Variants in SLIT3 observed in about 807,000 individuals in gnomAD.
SLIT3 encodes slit homolog 3 protein.
Under a neutral mutation model 184.0 loss-of-function variants are expected in SLIT3, and 68 were observed. The ratio of observed to expected loss-of-function variants is 0.37; its 90% CI spans 0.30 to 0.45. The LOEUF is 0.45. Among genes scored for constraint, SLIT3 ranks in the 20% least tolerant of loss-of-function variants. The probability of loss-of-function intolerance (pLI) is 1.00; values close to 1 mark genes in which losing one functional copy is unlikely to be tolerated. For missense variants in SLIT3, 1,707 were observed against 2,026.0 expected (o/e 0.84, Z 3.02); for synonymous variants, 831 against 828.6 (o/e 1.00, Z -0.05).
chr5:169,100,550 T>C (rs958341472), intron 4 of SLIT3, among the ~76,000 whole-genome samples: 1 of 151,946 alleles, frequency 6.6e-6, no homozygotes, highest in African/African-American at 2.4e-5. Flanking sequence ...TCAGGAGAGA[T>C]TGGTGCTTCA....
intron 2 of SLIT3, among the ~76,000 whole-genome samples, chr5:169,249,311 G>A (rs1283340126): frequency 1.3e-5 from 2 of 152,122 alleles, no homozygotes; most frequent in Non-Finnish European, 2.9e-5. Context: ...ATGGGGGGTA[G>A]GGGAAGGCTT....
chr5:168,977,288 G>A (rs1045790164), intron 4 of SLIT3, among the ~76,000 whole-genome samples: 4 of 152,146 alleles, frequency 2.6e-5, no homozygotes, highest in Non-Finnish European at 5.9e-5. Context: ...CTTTTGGATT[G>A]CTCTGCCTGC....
At chr5:169,113,276 T>A (rs1458374854) in intron 4 of SLIT3, among the ~76,000 whole-genome samples, 2 of 152,182 alleles carry the variant, frequency 1.3e-5, no homozygotes, top group African/African-American at 2.4e-5. Context: ...TCTGCTCCTA[T>A]GAATTTTCTA....
chr5:169,072,132 G>C (rs77796791), intron 4 of SLIT3, among the ~76,000 whole-genome samples: 3 of 152,282 alleles, frequency 2.0e-5, no homozygotes, highest in Admixed American at 6.5e-5. Context: ...GCATCAAATA[G>C]AGGGGTCTTC....
intron 32 of SLIT3, 110 bp downstream of exon 32, chr5:168,683,856 G>A (rs879083167): frequency 5.2e-5 from 54 of 1,029,744 alleles, no homozygotes; most frequent in Non-Finnish European, 6.5e-5. Flanking sequence ...TGGTAGGGGC[G>A]GGGAGAAGGG....
At chr5:169,224,142 C>G (rs1581073696) in intron 3 of SLIT3, among the ~76,000 whole-genome samples, 1 of 152,272 alleles carries the variant, frequency 6.6e-6, no homozygotes, top group East Asian at 1.9e-4. Context: ...TTTAAGCTCA[C>G]TGGGTCCTTT....
intron 4 of SLIT3, among the ~76,000 whole-genome samples, chr5:169,042,469 C>T: frequency 6.6e-6 from 1 of 152,198 alleles, no homozygotes; most frequent in Non-Finnish European, 1.5e-5. Flanking sequence ...TAAAAGGGTT[C>T]TTTCTATCAA....
At chr5:168,907,846 G>T (rs1316719279) in intron 4 of SLIT3, among the ~76,000 whole-genome samples, 1 of 145,940 alleles carries the variant, frequency 6.9e-6, no homozygotes, top group Admixed American at 6.9e-5. Flanking sequence ...ACACATATAA[G>T]TATACATATA....
intron 4 of SLIT3, among the ~76,000 whole-genome samples, chr5:169,157,483 C>A (rs1762347771): frequency 6.6e-6 from 1 of 152,200 alleles, no homozygotes; most frequent in East Asian, 1.9e-4. Context: ...ATCCCCTCCC[C>A]CCAGGTATCA....
At chr5:169,153,972 T>TC (rs1491153451) in intron 4 of SLIT3, among the ~76,000 whole-genome samples, 1 of 110,332 alleles carries the variant, frequency 9.1e-6, no homozygotes, top group African/African-American at 4.7e-5. Context: ...GCTCCCAGCC[T>TC]TTTTTTTTTT....
intron 9 of SLIT3, among the ~76,000 whole-genome samples, chr5:168,797,327 C>T (rs1756601478): frequency 6.6e-6 from 1 of 152,200 alleles, no homozygotes; most frequent in Non-Finnish European, 1.5e-5. Flanking sequence ...GTGGTGCGTG[C>T]TCTCCAGGAA....
rs556884651 is a variant in SLIT3 at position 168,777,064 on chromosome 5, AACAC to A, written c.1152-2690_1152-2687del. 4.4e-3 allele frequency among the ~76,000 whole-genome samples: 291 copies of A among 65,902 alleles called. 4 individuals carry two copies. The highest frequency in any genetic ancestry group is 0.019 in the South Asian group (29 of 1,522). The allele number at this position is 65,902 out of a possible 152,430, so 43.2% of individuals were successfully genotyped here. ...TTTTAAAAATTGGAAAATTTCATAC[AACAC>A]ACACACACACACACACACACACACA... On this transcript the variant is annotated intron_variant, in intron 12 of 35. Transcript: ENST00000519560.
intron 4 of SLIT3, among the ~76,000 whole-genome samples, chr5:168,944,519 A>G (rs1762416529): frequency 6.6e-6 from 1 of 152,036 alleles, no homozygotes; most frequent in Admixed American, 6.5e-5. Context: ...TCATTTTTCA[A>G]TTTACCTTTC....
At chr5:168,680,771 G>A (rs890956717) in intron 32 of SLIT3, among the ~76,000 whole-genome samples, 3 of 152,102 alleles carry the variant, frequency 2.0e-5, no homozygotes, top group African/African-American at 7.2e-5. Flanking sequence ...GGGCTTCCTC[G>A]CTGCTCAGCC....
chr5:168,842,826 C>T (rs922216373), intron 6 of SLIT3, among the ~76,000 whole-genome samples: 3 of 152,160 alleles, frequency 2.0e-5, no homozygotes, highest in African/African-American at 7.2e-5. Context: ...TGGTGACTTC[C>T]GTTTCCTGGT....
At chr5:169,186,317 G>A (rs1763333540) in intron 4 of SLIT3, among the ~76,000 whole-genome samples, 1 of 152,178 alleles carries the variant, frequency 6.6e-6, no homozygotes, top group Non-Finnish European at 1.5e-5. Flanking sequence ...CACGTGAGGA[G>A]GCAGCAGGGA....
chr5:168,773,604 C>T (rs1055046581), intron 13 of SLIT3, among the ~76,000 whole-genome samples: 7 of 151,588 alleles, frequency 4.6e-5, no homozygotes, highest in African/African-American at 1.7e-4. Context: ...AATTGCAGAC[C>T]TGGGCATGGG....
At position 169,208,026 on chromosome 5, in the gene SLIT3, T is replaced by C. The variant is rs554379440; in HGVS notation, c.342-14476A>G. ...GAATGGACTAAGACTACACAATTCT[T>C]ATGTCAAATTTAACAAGCACCTACT... On this transcript the variant is annotated intron_variant, in intron 3 of 35. Transcript: ENST00000519560. 3.3e-5 allele frequency among the ~76,000 whole-genome samples: 5 copies of C among 152,208 alleles called. No individual in the cohort carries two copies. In the South Asian group the frequency reaches 1.0e-3, roughly 32 times the overall value.
intron 4 of SLIT3, among the ~76,000 whole-genome samples, chr5:168,992,437 A>G (rs1166463817): frequency 6.6e-6 from 1 of 152,258 alleles, no homozygotes; most frequent in Non-Finnish European, 1.5e-5. Context: ...GCGAGGGCTA[A>G]TTAAGCTGGA....
Sources: gnomAD v4.1 joint callset for allele counts (sites outside exome capture counted in the v4.1 genomes callset) on GRCh38, gnomAD v4.1.1 for gene constraint, MANE v1.5 for transcripts, NCBI Gene and HGNC (gene_info 2026-07-23, HGNC 2026-07-21) for gene names.